NBEAL1: variants seen among roughly 807,000 people sequenced by gnomAD.
NBEAL1 encodes the protein neurobeachin-like protein 1.
NBEAL1 carries 273 observed loss-of-function variants against 351.3 expected under a neutral mutation model. The observed-to-expected ratio is 0.78, with a 90% CI of 0.70 to 0.86. NBEAL1 has a LOEUF of 0.86. Ranked by LOEUF, NBEAL1 falls within the 40% of genes least tolerant of loss-of-function variation. The probability of loss-of-function intolerance (pLI) is 0.00; values close to 1 mark genes in which losing one functional copy is unlikely to be tolerated. For missense variants in NBEAL1, 2,961 were observed against 3,201.3 expected (o/e 0.92, Z 1.81); for synonymous variants, 1,050 against 1,086.4 (o/e 0.97, Z 0.66).
chr2:203,192,559 T>C (rs1176016617), intron 46 of NBEAL1, among the ~76,000 whole-genome samples: 1 of 151,998 alleles, frequency 6.6e-6, no homozygotes, highest in Non-Finnish European at 1.5e-5. Context: ...TAATTTTTTG[T>C]ATTTTTAGTA....
At chr2:203,182,833 G>A (rs570248441) in intron 43 of NBEAL1, 5 of 152,230 alleles carry the variant, frequency 3.3e-5, no homozygotes, top group African/African-American at 9.7e-5. Context: ...TATTATGCAA[G>A]TATCTATTTA....
At chr2:203,110,767 CTTTTTTT>C (rs71034215) in intron 15 of NBEAL1, among the ~76,000 whole-genome samples, 1 of 106,730 alleles carries the variant, frequency 9.4e-6, no homozygotes, top group Admixed American at 1.3e-4. Context: ...TTTCTTTTTT[CTTTTTTT>C]TTTTTTTTTT....
intron 44 of NBEAL1, among the ~76,000 whole-genome samples, chr2:203,187,148 G>T (rs771443511): frequency 6.6e-6 from 1 of 151,938 alleles, no homozygotes; most frequent in Non-Finnish European, 1.5e-5. Context: ...CACTGCAGCC[G>T]TGTCCTCCTG....
At chr2:203,194,021 A>G (rs2065169576) in intron 47 of NBEAL1, 110 bp downstream of exon 47, 1 of 572,130 alleles carries the variant, frequency 1.7e-6, no homozygotes, top group African/African-American at 1.9e-5. Flanking sequence ...AATTCAAGAT[A>G]GTAAATTATA....
chr2:203,111,266 A>G (rs1473264799), intron 15 of NBEAL1, among the ~76,000 whole-genome samples: 2 of 152,208 alleles, frequency 1.3e-5, no homozygotes, highest in Non-Finnish European at 2.9e-5. Context: ...AGCTATGATT[A>G]TGCCACTGCA....
At chr2:203,066,581 G>A (rs1003655929) in intron 6 of NBEAL1, among the ~76,000 whole-genome samples, 5 of 152,144 alleles carry the variant, frequency 3.3e-5, no homozygotes, top group African/African-American at 1.2e-4. Flanking sequence ...GTTCTCAATG[G>A]TCGCTGTCTC....
At position 203,037,029 on chromosome 2, in the gene NBEAL1, T is replaced by A. The variant is rs972396094; in HGVS notation, c.52-4736T>A. The stretch of plus-strand genomic sequence containing the variant: ...AGTTGGACATGTAAAAAGCAAGTAG[T>A]GAAACTTGAGAAAATTCTCACAAAA... On this transcript the variant is annotated intron_variant, in intron 2 of 55. Transcript: ENST00000683969. Among the ~76,000 whole-genome samples, 20 of 149,238 alleles carry A rather than the reference T, an allele frequency of 1.3e-4. 1 individual carries two copies. Among genetic ancestry groups the A allele is most frequent in the Admixed American group, 4.1e-4 (6 of 14,798 alleles).
chr2:203,174,344 T>C (rs1364177028), intron 41 of NBEAL1, among the ~76,000 whole-genome samples: 9 of 151,804 alleles, frequency 5.9e-5, no homozygotes, highest in African/African-American at 1.7e-4. Flanking sequence ...TACTCAGTCA[T>C]TTGGAAAGAT....
chr2:203,210,227 G>A (rs978594734), intron 53 of NBEAL1, among the ~76,000 whole-genome samples: 2 of 151,864 alleles, frequency 1.3e-5, no homozygotes, highest in African/African-American at 4.8e-5. Context: ...GCCGGGCATG[G>A]TGGTGCATGC....
At chr2:203,082,762 A>G (rs1457179052) in intron 8 of NBEAL1, among the ~76,000 whole-genome samples, 1 of 152,200 alleles carries the variant, frequency 6.6e-6, no homozygotes, top group Non-Finnish European at 1.5e-5. Context: ...CAGCAACTCA[A>G]TAAGAACATC....
chr2:203,057,138 A>G (rs1405665854), intron 5 of NBEAL1, among the ~76,000 whole-genome samples, 188 bp from the exon 6 acceptor site: 2 of 152,144 alleles, frequency 1.3e-5, no homozygotes, highest in Non-Finnish European at 2.9e-5. Context: ...TACTTTTTCA[A>G]AAGGTGTTTG....
Position 203,037,071 on chromosome 2 carries a change from A to T in NBEAL1, c.52-4694A>T, listed in dbSNP as rs140395009. Among the ~76,000 whole-genome samples the T allele has an allele frequency of 1.9e-4, 29 of 149,348 alleles. No individual in the cohort carries two copies. In the East Asian group the frequency reaches 5.6e-3, roughly 29 times the overall value. On this transcript the variant is annotated intron_variant, in intron 2 of 55. Coordinates refer to ENST00000683969, the MANE Select transcript of NBEAL1 (RefSeq NM_001378026.1). ...CTCACAAAAGGTAGCTCTTTTTCTA[A>T]AATATTTCCTTCTGATTTCTCAGTA...
chr2:203,116,059 T>C lies in NBEAL1; in HGVS notation c.2581T>C (p.Tyr861His), dbSNP rs1319692120. ...CCTGCCTGGTAACATCCTTCTTTAC[T>C]ACACAGCAAAGGTCAGAGTAAATTT... The part of the protein sequence containing the change: ...ADLPGNILLY[Y>H]TAKACKNSIC... Residue 861 changes from tyrosine (Y) to histidine (H), a missense_variant, in exon 18 of 56, where the codon TAC becomes CAC. Tyr to His is a moderately conservative substitution (Grantham distance 83). Transcript: ENST00000683969. 1 of 1,552,640 alleles carries C rather than the reference T, an allele frequency of 6.4e-7. No homozygotes were observed. Among genetic ancestry groups the C allele is most frequent in the Admixed American group, 2.0e-5 (1 of 51,006 alleles).
chr2:203,036,752 T>C (rs901381772), intron 2 of NBEAL1, among the ~76,000 whole-genome samples: 3 of 149,250 alleles, frequency 2.0e-5, no homozygotes, highest in African/African-American at 7.3e-5. Flanking sequence ...AGGTGAACTC[T>C]GTGCTTGCCA....
At chr2:203,082,664 A>G (rs1177423671) in intron 8 of NBEAL1, among the ~76,000 whole-genome samples, 1 of 152,226 alleles carries the variant, frequency 6.6e-6, no homozygotes, top group African/African-American at 2.4e-5. Flanking sequence ...CCAACCTGAA[A>G]ACCTTAGAGA....
At position 203,217,921 on chromosome 2, in the gene NBEAL1, CGTGT is replaced by C. The variant is rs1345736454; in HGVS notation, c.*568_*571del. On this transcript the variant is annotated 3_prime_UTR_variant, in exon 56 of 56. Transcript: ENST00000683969. ...ATTAGCTAATTCTATTACTACTTAG[CGTGT>C]TTCTAATGAGAAGTTACTGAAATCT... 3.1e-6 allele frequency: 3 copies of C among 968,980 alleles called. No individual in the cohort carries two copies. Among genetic ancestry groups the C allele is most frequent in the African/African-American group, 3.5e-5 (2 of 57,048 alleles). 60.0% of individuals were successfully genotyped at this position (968,980 alleles called of 1,614,324 possible). A position where few individuals can be genotyped will look rare whatever the true frequency, so the allele number is the denominator to read the frequency against.
At chr2:203,046,769 T>G (rs1439358203) in intron 3 of NBEAL1, among the ~76,000 whole-genome samples, 1 of 152,184 alleles carries the variant, frequency 6.6e-6, no homozygotes, top group Admixed American at 6.5e-5. Flanking sequence ...CCTAAATGCC[T>G]CACCTCTTCA....
At chr2:203,127,678 T>TACCA in intron 23 of NBEAL1, 103 bp from the exon 24 acceptor site, 1 of 626,768 alleles carries the variant, frequency 1.6e-6, no homozygotes, top group Non-Finnish European at 2.7e-6. Context: ...GCCAAGATTG[T>TACCA]ACCACTGCAC....
At position 203,041,830 on chromosome 2, in the gene NBEAL1, C is replaced by A; in HGVS notation, c.117C>A (p.Asp39Glu). ...TFVSSYEQFL[D>E]VDFEKLPTRV... ...TTTCTAGCTATGAACAATTTTTAGA[C>A]GTTGACTTTGAAAAGCTGCCTACCA... Residue 39 changes from aspartate (D) to glutamate (E), a missense_variant, in exon 3 of 56, where the codon GAC becomes GAA. Coordinates refer to ENST00000683969, the MANE Select transcript of NBEAL1 (RefSeq NM_001378026.1). 6.4e-7 allele frequency: 1 copy of A among 1,553,470 alleles called. No homozygotes were observed. The highest frequency in any genetic ancestry group is 2.4e-5 in the East Asian group (1 of 41,748).
Sources: allele counts gnomAD v4.1 joint callset (sites outside exome capture counted in the v4.1 genomes callset), GRCh38; gene constraint gnomAD v4.1.1; transcripts MANE v1.5; gene names NCBI Gene and HGNC (gene_info 2026-07-23, HGNC 2026-07-21).